The following EVI5 variants were observed in gnomAD, a reference collection of about 807,000 sequenced individuals.
EVI5 encodes ecotropic viral integration site 5 protein homolog.
A neutral mutation model predicts 112.0 loss-of-function variants in EVI5; 73 were observed. The observed-to-expected ratio is 0.65, with a 90% CI of 0.54 to 0.79. The LOEUF (loss-of-function observed/expected upper bound fraction) is 0.79. EVI5 is among the 30% of genes least tolerant of loss of function. EVI5 has a pLI of 0.00. For missense variants in EVI5, 900 were observed against 968.8 expected, an observed-to-expected ratio of 0.93 and a Z score of 0.94; for synonymous variants, 305 against 319.9, an observed-to-expected ratio of 0.95 and a Z score of 0.50.
intron 18 of EVI5, among the ~76,000 whole-genome samples, chr1:92,604,822 AG>A (rs1351708348): frequency 6.6e-6 from 1 of 152,212 alleles, no homozygotes; most frequent in Non-Finnish European, 1.5e-5. Flanking sequence ...ACTAGGCAAA[AG>A]GAATTTTTCA....
At chr1:92,724,886 A>C (rs1046971677) in intron 2 of EVI5, among the ~76,000 whole-genome samples, 1 of 152,194 alleles carries the variant, frequency 6.6e-6, no homozygotes, top group Non-Finnish European at 1.5e-5. Flanking sequence ...GACTCGGGAC[A>C]TAAGTAAAGT....
intron 2 of EVI5, chr1:92,733,267 T>C (rs940572874): frequency 2.1e-5 from 4 of 190,222 alleles, no homozygotes; most frequent in African/African-American, 9.3e-5. Flanking sequence ...GAATAGTCAT[T>C]CAAGGATTCG....
At chr1:92,779,547 C>T (rs1228307687) in intron 1 of EVI5, among the ~76,000 whole-genome samples, 11 of 151,080 alleles carry the variant, frequency 7.3e-5, no homozygotes, top group Admixed American at 4.0e-4. Flanking sequence ...CTTAAGAAAA[C>T]GATTTTTAAC....
chr1:92,663,455 A>G lies in EVI5; in HGVS notation c.1213-3T>C. On this transcript the variant is annotated splice_region_variant and splice_polypyrimidine_tract_variant and intron_variant, in intron 11 of 19. Transcript: ENST00000684568. ...CTATCTGCCAAGGAAGCACTTTCCT[A>G]CAAAAGGAAAAATTCAGATAGAAAT... 2 of 1,397,062 alleles carry G rather than the reference A, an allele frequency of 1.4e-6. No homozygotes were observed. The highest frequency in any genetic ancestry group is 1.4e-5 in the African/African-American group (1 of 69,040). The allele number at this position is 1,397,062 out of a possible 1,614,324, so 86.5% of individuals were successfully genotyped here. A position where few individuals can be genotyped will look rare whatever the true frequency, so the allele number is the denominator to read the frequency against.
At chr1:92,615,122 AG>A (rs1221382734) in intron 16 of EVI5, among the ~76,000 whole-genome samples, 1 of 152,022 alleles carries the variant, frequency 6.6e-6, no homozygotes. Flanking sequence ...CTGTTTGTAG[AG>A]AGTTACGCAA....
At chr1:92,683,817 T>C (rs2102378440) in intron 9 of EVI5, among the ~76,000 whole-genome samples, 1 of 151,558 alleles carries the variant, frequency 6.6e-6, no homozygotes, top group East Asian at 1.9e-4. Context: ...GAAGATGAAA[T>C]TAATGAAATA....
chr1:92,641,994 C>CTACT, intron 13 of EVI5, among the ~76,000 whole-genome samples: 1 of 152,016 alleles, frequency 6.6e-6, no homozygotes, highest in African/African-American at 2.4e-5. Context: ...AAAAAATTAG[C>CTACT]CAGGCATGTA....
rs146533493 is a variant in EVI5, at chr1:92,659,048, A to G, written c.1392+3671T>C. Among the ~76,000 whole-genome samples, 660 of 152,224 alleles carry G rather than the reference A, an allele frequency of 4.3e-3. 3 individuals are homozygous for G. The highest frequency in any genetic ancestry group is 6.9e-3 in the Admixed American group (105 of 15,296). ...TATGAAGAAGAATGAAATTGGATTC[A>G]TATCTCTCATCATTTACAAAATTAA... On this transcript the variant is annotated intron_variant, in intron 13 of 19. Coordinates refer to ENST00000684568, the MANE Select transcript of EVI5 (RefSeq NM_001350197.2).
chr1:92,630,845 A>AT (rs1208173148), intron 14 of EVI5, among the ~76,000 whole-genome samples: 1 of 152,196 alleles, frequency 6.6e-6, no homozygotes, highest in Non-Finnish European at 1.5e-5. Context: ...TAATTTTTGT[A>AT]TAAGGTGTAA....
intron 19 of EVI5, among the ~76,000 whole-genome samples, chr1:92,543,079 C>G (rs746721126): frequency 6.6e-6 from 1 of 152,136 alleles, no homozygotes; most frequent in South Asian, 2.1e-4. Flanking sequence ...AACGAGAGAG[C>G]CATTTGAAGC....
chr1:92,643,326 G>T (rs1419915907), intron 13 of EVI5, among the ~76,000 whole-genome samples: 1 of 129,196 alleles, frequency 7.7e-6, no homozygotes, highest in Non-Finnish European at 1.6e-5. Context: ...AAGAGATAGG[G>T]TCTTGCTCTG....
chr1:92,612,987 A>C (rs372825638), intron 16 of EVI5, among the ~76,000 whole-genome samples: 2 of 152,204 alleles, frequency 1.3e-5, no homozygotes, highest in African/African-American at 2.4e-5. Flanking sequence ...TACACACACA[A>C]AAGACTGGTG....
intron 1 of EVI5, among the ~76,000 whole-genome samples, chr1:92,738,955 G>A (rs1421928130): frequency 6.6e-6 from 1 of 151,970 alleles, no homozygotes; most frequent in Non-Finnish European, 1.5e-5. Context: ...ATCTCATAGA[G>A]GTGTTATGCA....
intron 10 of EVI5, 146 bp from the exon 11 acceptor site, chr1:92,666,138 A>G: frequency 3.5e-6 from 2 of 564,080 alleles, no homozygotes; most frequent in South Asian, 4.7e-5. Context: ...AAAGACTCAG[A>G]GTAAGAAATA....
In EVI5 at chr1:92,761,586, T is replaced by C. The variant is rs148892021; in HGVS notation, c.-82+23250A>G. On this transcript the variant is annotated intron_variant, in intron 1 of 19. Coordinates refer to ENST00000684568, the MANE Select transcript of EVI5 (RefSeq NM_001350197.2). ...AACTCTGAGCCCATAAAAAACCTGA[T>C]ATACAACTGAATTAATATGTGGAGA... Among the ~76,000 whole-genome samples the C allele has an allele frequency of 5.9e-5, 9 of 152,338 alleles. No homozygotes were observed. In the East Asian group the frequency reaches 1.7e-3, roughly 29 times the overall value.
At position 92,590,228 on chromosome 1, in the gene EVI5, G is replaced by A. The variant is rs572114619; in HGVS notation, c.2070+15079C>T. Among the ~76,000 whole-genome samples the A allele has an allele frequency of 6.0e-4, 92 of 152,258 alleles. 1 individual carries two copies. The South Asian group carries it at 0.017, about 28-fold the overall frequency. On this transcript the variant is annotated intron_variant, in intron 18 of 19. Coordinates refer to ENST00000684568, the MANE Select transcript of EVI5 (RefSeq NM_001350197.2). ...AGCGCCTCTCCTCCTCTAAAGGAACGCAGCTCCTCACCAGCAATGGAACAA... is the reference window on the plus strand; with the variant it reads ...AGCGCCTCTCCTCCTCTAAAGGAACACAGCTCCTCACCAGCAATGGAACAA...
chr1:92,564,064 C>A (rs1328569687), intron 18 of EVI5, among the ~76,000 whole-genome samples: 4 of 152,102 alleles, frequency 2.6e-5, no homozygotes, highest in Non-Finnish European at 4.4e-5. Flanking sequence ...CTGGGATTAA[C>A]AGGCATGTGC....
chr1:92,767,889 G>A (rs917157456), intron 1 of EVI5, among the ~76,000 whole-genome samples: 12 of 152,108 alleles, frequency 7.9e-5, no homozygotes, highest in Non-Finnish European at 1.5e-4. Context: ...AGACCAGCCT[G>A]GCCAATGTGG....
At chr1:92,562,399 G>A (rs971927318) in intron 19 of EVI5, among the ~76,000 whole-genome samples, 1 of 152,024 alleles carries the variant, frequency 6.6e-6, no homozygotes, top group Non-Finnish European at 1.5e-5. Flanking sequence ...GCCTGGTGGC[G>A]GGCGCCTGTA....
Sources: allele counts gnomAD v4.1 joint callset (sites outside exome capture counted in the v4.1 genomes callset), GRCh38; gene constraint gnomAD v4.1.1; transcripts MANE v1.5; gene names NCBI Gene and HGNC (gene_info 2026-07-23, HGNC 2026-07-21).